MOGS: variants seen among roughly 807,000 people sequenced by gnomAD.
MOGS encodes mannosyl-oligosaccharide glucosidase.
Under a neutral mutation model 68.5 loss-of-function variants are expected in MOGS, and 45 were observed. That is an observed-to-expected ratio of 0.66 (90% CI 0.52 to 0.84). The LOEUF (loss-of-function observed/expected upper bound fraction) is 0.84. MOGS is among the 40% of genes least tolerant of loss of function. The pLI, the probability that MOGS is intolerant of heterozygous loss-of-function variation, is 0.00. For missense variants in MOGS, 1,020 were observed against 1,095.0 expected, an observed-to-expected ratio of 0.93 and a Z score of 0.97; for synonymous variants, 492 against 461.2, an observed-to-expected ratio of 1.07 and a Z score of -0.86.
chr2:74,462,795 T>C lies in MOGS; in HGVS notation c.994A>G (p.Ile332Val). 1.2e-6 allele frequency: 2 copies of C among 1,614,196 alleles called. No individual in the cohort carries two copies. Among genetic ancestry groups the C allele is most frequent in the South Asian group, 1.1e-5 (1 of 91,082 alleles). ...CTGCCTGATTCAAACACAAACTCTATGGAAATGGGAATTTTCAGGGTCACC... is the reference window on the plus strand; with the variant it reads ...CTGCCTGATTCAAACACAAACTCTACGGAAATGGGAATTTTCAGGGTCACC... Reference protein sequence around the residue: ...QQVTLKIPISIEFVFESGSAQ... With the variant: ...QQVTLKIPISVEFVFESGSAQ... Residue 332 changes from isoleucine to valine, a missense_variant, in exon 4 of 4, where the codon ATA becomes GTA. Around this residue, in one of 3 missense-constraint regions of MOGS, gnomAD observed 569 missense variants for 571.9 expected, o/e 0.99. Transcript: ENST00000448666.
In MOGS at chr2:74,461,256, T is replaced by G; in HGVS notation, c.*19A>C. On this transcript the variant is annotated 3_prime_UTR_variant, in exon 4 of 4. Coordinates refer to ENST00000448666, the MANE Select transcript of MOGS (RefSeq NM_006302.3). ...GCCAGAGTGGCATGAGTGTCTTGGC[T>G]CCCCTCCTCTCCCTCCCTTCAGTAG... 1 of 1,613,464 alleles carries G rather than the reference T, an allele frequency of 6.2e-7. No individual in the cohort carries two copies. The highest frequency in any genetic ancestry group is 8.5e-7 in the Non-Finnish European group (1 of 1,179,998).
chr2:74,462,922 G>T lies in MOGS; in HGVS notation c.867C>A (p.Pro289=). The change falls in exon 4 of 4, where the codon CCC becomes CCA. Residue 289 remains proline (P), a synonymous_variant. Transcript: ENST00000448666. Reference sequence around the variant, plus strand: ...GGTAGCGTTCAGGGGGGGCCCCTGGGGGCCGATGCTGAAACCAGCTATTTA... The same window carrying T: ...GGTAGCGTTCAGGGGGGGCCCCTGGTGGCCGATGCTGAAACCAGCTATTTA... ...SRLNSWFQHR[P]PGAPPERYLG... The T allele has an allele frequency of 6.2e-7, 1 of 1,614,192 alleles. No homozygotes were observed.
At position 74,462,993 on chromosome 2, in the gene MOGS, A is replaced by G; in HGVS notation, c.796T>C (p.Ser266Pro). The G allele has an allele frequency of 6.2e-7, 1 of 1,614,094 alleles. No homozygotes were observed. Among genetic ancestry groups the G allele is most frequent in the Admixed American group, 1.7e-5 (1 of 60,026 alleles). The change falls in exon 4 of 4, where the codon TCC (serine) becomes CCC (proline). Residue 266 changes from serine to proline, a missense_variant. Ser to Pro is a moderately conservative substitution (Grantham distance 74). Transcript: ENST00000448666. ...KYGSYNVFWT[S>P]NPGLPLLTEM... is the part of the protein sequence containing the mutation. The stretch of plus-strand genomic sequence containing the variant: ...GTCAGCAGGGGCAGTCCTGGGTTGG[A>G]GGTCCAGAAGACATTGTAGCTTGAA...
At chr2:74,463,493 T>C (rs1671987068) in intron 2 of MOGS, 107 bp from the exon 3 acceptor site, 1 of 1,186,218 alleles carries the variant, frequency 8.4e-7, no homozygotes, top group Non-Finnish European at 1.2e-6. Context: ...TAGGCAGGGG[T>C]AATGTAAACA....
chr2:74,463,319 A>G lies in MOGS; in HGVS notation c.647T>C (p.Val216Ala). 1 of 1,614,216 alleles carries G rather than the reference A, an allele frequency of 6.2e-7. No individual in the cohort carries two copies. Among genetic ancestry groups the G allele is most frequent in the Non-Finnish European group, 8.5e-7 (1 of 1,180,044 alleles). ...FFYVVTDGKEVLLPEVGAKGQ... is the reference protein window; with the variant it reads ...FFYVVTDGKEALLPEVGAKGQ... ...CTTGGCCCCAACCTCTGGTAGTAGG[A>G]CTTCCTTGCCATCTGTCACCACATA... Residue 216 changes from valine to alanine, a missense_variant, in exon 3 of 4, where the codon GTC becomes GCC. Around this residue, in one of 3 missense-constraint regions of MOGS, gnomAD observed 569 missense variants for 571.9 expected, o/e 0.99. Coordinates refer to ENST00000448666, the MANE Select transcript of MOGS (RefSeq NM_006302.3).
Position 74,461,663 on chromosome 2 carries a change from A to G in MOGS, c.2126T>C (p.Leu709Pro). The G allele has an allele frequency of 3.1e-6, 5 of 1,614,218 alleles. No individual in the cohort carries two copies. Among genetic ancestry groups the G allele is most frequent in the Non-Finnish European group, 4.2e-6 (5 of 1,180,034 alleles). ...GGCTAGAATGTCCAGCAGGGGCCCA[A>G]GGCGGGATGAGGTGGGGTCCAGCAG... The part of the protein sequence containing the change: ...LRLLDPTSSR[L>P]GPLLDILADS... The change falls in exon 4 of 4, where the codon CTT becomes CCT. Residue 709 changes from leucine (L) to proline (P), a missense_variant. This residue lies in a region of MOGS where 270 missense variants were observed against 261.3 expected (regional missense o/e 1.03). Coordinates refer to ENST00000448666, the MANE Select transcript of MOGS (RefSeq NM_006302.3).
At position 74,462,516 on chromosome 2, in the gene MOGS, C is replaced by A. The variant is rs1382132287; in HGVS notation, c.1273G>T (p.Asp425Tyr). 6.2e-7 allele frequency: 1 copy of A among 1,607,494 alleles called. No homozygotes were observed. The highest frequency in any genetic ancestry group is 8.5e-7 in the Non-Finnish European group (1 of 1,175,660). Residue 425 changes from aspartate to tyrosine, a missense_variant, in exon 4 of 4, where the codon GAC becomes TAC. This residue lies in a region of MOGS where 569 missense variants were observed against 571.9 expected (regional missense o/e 0.99). Coordinates refer to ENST00000448666, the MANE Select transcript of MOGS (RefSeq NM_006302.3). ...GGTACGGGTGGAAAGAGGGCTGGGT[C>A]CACCTTCTGCTCAGACCCTTCCACC... ...IGVEGSEQKV[D>Y]PALFPPVPLF...
Position 74,465,142 on chromosome 2 carries a change from CGCCGCCCCGGCCGTCCCGTCGCCCGGG to C in MOGS, c.79_105del (p.Pro27_Gly35del). On this transcript the variant is annotated inframe_deletion, in exon 1 of 4. Coordinates refer to ENST00000448666, the MANE Select transcript of MOGS (RefSeq NM_006302.3). ...ACTCCTCCAGCCGTGCTACGCGGCC[CGCCGCCCCGGCCGTCCCGTCGCCCGGG>C]GCCTCCCCGAGCCGCCCTCTCGGCT... The C allele has an allele frequency of 1.3e-6, 2 of 1,532,180 alleles. No homozygotes were observed. The highest frequency in any genetic ancestry group is 2.4e-5 in the South Asian group (2 of 83,522). 94.9% of individuals were successfully genotyped at this position (1,532,180 alleles called of 1,614,324 possible).
chr2:74,465,150 C>T lies in MOGS; in HGVS notation c.98G>A (p.Arg33Gln). ...AGCCGTGCTACGCGGCCCGCCGCCC[C>T]GGCCGTCCCGTCGCCCGGGGCCTCC... ...ARGGPGRRDG[R>Q]GGGPRSTAGG... The change falls in exon 1 of 4, where the codon CGG becomes CAG. Residue 33 changes from arginine (R) to glutamine (Q), a missense_variant. Around this residue, in one of 3 missense-constraint regions of MOGS, gnomAD observed 569 missense variants for 571.9 expected, o/e 0.99. Coordinates refer to ENST00000448666, the MANE Select transcript of MOGS (RefSeq NM_006302.3). 6.5e-7 allele frequency: 1 copy of T among 1,531,100 alleles called. No individual in the cohort carries two copies. Among genetic ancestry groups the T allele is most frequent in the South Asian group, 1.2e-5 (1 of 83,496 alleles). 94.8% of individuals were successfully genotyped at this position (1,531,100 alleles called of 1,614,324 possible).
rs558154672 is a variant in MOGS, at chr2:74,461,860, C to T, written c.1929G>A (p.Leu643=). 6.2e-7 allele frequency: 1 copy of T among 1,614,072 alleles called. No individual in the cohort carries two copies. The highest frequency in any genetic ancestry group is 1.3e-5 in the African/African-American group (1 of 75,048). Residue 643 remains leucine (L), a synonymous_variant, in exon 4 of 4, where the codon CTG becomes CTA. Coordinates refer to ENST00000448666, the MANE Select transcript of MOGS (RefSeq NM_006302.3). ...SLEAAESLDE[L]HWAPELGVFA... ...AGACTCCTAGCTCTGGGGCCCAGTG[C>T]AGCTCATCCAGGCTCTCTGCTGCCT...
chr2:74,465,002 A>C lies in MOGS; in HGVS notation c.246T>G (p.Pro82=). The part of the protein sequence containing the change: ...VTLHSAPPVL[P]ADSSSPAVAP... ...CCACGGCGGGGCTGGAGGAGTCGGC[A>C]GGCAACACAGGAGGCGCGGAGTGCA... Residue 82 remains proline (P), a synonymous_variant, in exon 1 of 4, where the codon CCT becomes CCG. Transcript: ENST00000448666. 1 of 1,556,414 alleles carries C rather than the reference A, an allele frequency of 6.4e-7. No homozygotes were observed. The highest frequency in any genetic ancestry group is 8.7e-7 in the Non-Finnish European group (1 of 1,150,128).
At position 74,461,202 on chromosome 2, in the gene MOGS, CA is replaced by C; in HGVS notation, c.*72del. On this transcript the variant is annotated 3_prime_UTR_variant, in exon 4 of 4. Transcript: ENST00000448666. ...TTACTGGTATCCAAGGGGCTGGGGG[CA>C]AAAGCCAGAAGCCTTTGTCCCTTCA... is the stretch of plus-strand genomic sequence containing the variant. The C allele has an allele frequency of 1.9e-6, 3 of 1,585,178 alleles. No individual in the cohort carries two copies. Among genetic ancestry groups the C allele is most frequent in the Non-Finnish European group, 1.7e-6 (2 of 1,162,606 alleles).
In MOGS at chr2:74,461,822, C is replaced by G; in HGVS notation, c.1967G>C (p.Gly656Ala). 1 of 1,614,142 alleles carries G rather than the reference C, an allele frequency of 6.2e-7. No homozygotes were observed. Among genetic ancestry groups the G allele is most frequent in the Non-Finnish European group, 8.5e-7 (1 of 1,180,016 alleles). Residue 656 changes from glycine (G) to alanine (A), a missense_variant, in exon 4 of 4, where the codon GGG (glycine) becomes GCG (alanine). Gly to Ala is a moderately conservative substitution (Grantham distance 60). Transcript: ENST00000448666. ...APELGVFADFGNHTKAVQLKP... is the reference protein window; with the variant it reads ...APELGVFADFANHTKAVQLKP... ...CAGCTGTACTGCTTTTGTGTGGTTC[C>G]CAAAGTCTGCAAAGACTCCTAGCTC...
chr2:74,464,028 C>T (rs1456666986), intron 2 of MOGS, among the ~76,000 whole-genome samples: 2 of 149,998 alleles, frequency 1.3e-5, no homozygotes, highest in Non-Finnish European at 3.0e-5. Context: ...GGCACGATCT[C>T]GGCTCAGCGC....
At chr2:74,463,981 T>C (rs2103983162) in intron 2 of MOGS, among the ~76,000 whole-genome samples, 1 of 135,712 alleles carries the variant, frequency 7.4e-6, no homozygotes, top group African/African-American at 2.8e-5. Flanking sequence ...TTTCTTGAGA[T>C]GGAGTTTTGC....
At chr2:74,463,634 C>T in intron 2 of MOGS, 1 of 457,078 alleles carries the variant, frequency 2.2e-6, no homozygotes. Context: ...ACACTAAGAA[C>T]TCTACACAGT....
In MOGS at chr2:74,465,129, G is replaced by A. The variant is rs769430992; in HGVS notation, c.119C>T (p.Thr40Met). The change falls in exon 1 of 4, where the codon ACG becomes ATG. Residue 40 changes from threonine (T) to methionine (M), a missense_variant. By Grantham distance (81) the Thr-to-Met change is moderately conservative. Transcript: ENST00000448666. Reference sequence around the variant, plus strand: ...GACGGCCAGAGCCACTCCTCCAGCCGTGCTACGCGGCCCGCCGCCCCGGCC... The same window carrying A: ...GACGGCCAGAGCCACTCCTCCAGCCATGCTACGCGGCCCGCCGCCCCGGCC... ...RDGRGGGPRSTAGGVALAVVV... is the reference protein window; with the variant it reads ...RDGRGGGPRSMAGGVALAVVV... 119 of 1,535,636 alleles carry A rather than the reference G, an allele frequency of 7.7e-5. 2 individuals carry two copies. The East Asian group carries it at 2.9e-3, about 37-fold the overall frequency.
chr2:74,461,292 T>C lies in MOGS; in HGVS notation c.2497A>G (p.Met833Val). ...CCCTCCCTTCAGTAGTCTTCAGCCATGGCCAGTAAGACAAGGCTGGTCCAG... is the reference window on the plus strand; with the variant it reads ...CCCTCCCTTCAGTAGTCTTCAGCCACGGCCAGTAAGACAAGGCTGGTCCAG... Reference protein sequence around the residue: ...HGWTSLVLLAMAEDY With the variant: ...HGWTSLVLLAVAEDY Residue 833 changes from methionine (M) to valine (V), a missense_variant, in exon 4 of 4, where the codon ATG (methionine) becomes GTG (valine). Coordinates refer to ENST00000448666, the MANE Select transcript of MOGS (RefSeq NM_006302.3). The C allele has an allele frequency of 6.2e-7, 1 of 1,614,112 alleles. No homozygotes were observed.
chr2:74,462,839 C>T lies in MOGS; in HGVS notation c.950G>A (p.Gly317Glu), dbSNP rs1303668059. 6.2e-6 allele frequency: 10 copies of T among 1,614,090 alleles called. No homozygotes were observed. The highest frequency in any genetic ancestry group is 8.5e-6 in the Non-Finnish European group (10 of 1,180,058). Residue 317 changes from glycine to glutamate, a missense_variant, in exon 4 of 4, where the codon GGG becomes GAG. By Grantham distance (98) the Gly-to-Glu change is moderately conservative (BLOSUM62 -2). Coordinates refer to ENST00000448666, the MANE Select transcript of MOGS (RefSeq NM_006302.3). ...EDRGPSGQGQGQFLIQQVTLK... is the reference protein window; with the variant it reads ...EDRGPSGQGQEQFLIQQVTLK... ...GGTCACCTGCTGTATCAAGAACTGC[C>T]CCTGCCCTTGCCCACTTGGACCTCT...
Sources: gnomAD v4.1 joint callset for allele counts (sites outside exome capture counted in the v4.1 genomes callset) on GRCh38, gnomAD v4.1.1 for gene constraint, gnomAD v4.1.1 regional missense constraint, MANE v1.5 for transcripts, NCBI Gene and HGNC (gene_info 2026-07-23, HGNC 2026-07-21) for gene names.